Variants in INIP observed in about 807,000 individuals in gnomAD.
INIP encodes SOSS complex subunit C.
Under a neutral mutation model 14.0 loss-of-function variants are expected in INIP, and 9 were observed. That is an observed-to-expected ratio of 0.64 (90% CI 0.39 to 1.12). The LOEUF is 1.12. Among genes scored for constraint, INIP ranks in the 50% most tolerant of loss-of-function variants. The pLI is 0.01. For synonymous variants in INIP, 37 were observed against 41.5 expected (o/e 0.89, Z 0.41); for missense variants, 78 against 122.7 (o/e 0.64, Z 1.72).
In INIP at chr9:112,687,444, C is replaced by A; in HGVS notation, c.*94G>T. 2 of 724,704 alleles carry A rather than the reference C, an allele frequency of 2.8e-6. No homozygotes were observed. Among genetic ancestry groups the A allele is most frequent in the Non-Finnish European group, 2.3e-6 (1 of 427,800 alleles). The allele number at this position is 724,704 out of a possible 1,614,324, so 44.9% of individuals were successfully genotyped here. On this transcript the variant is annotated 3_prime_UTR_variant, in exon 5 of 5. Transcript: ENST00000374242. ...ACAAACAAAAAATATCAAAGTTCACCAAAATTCTTAAAGTCACAGTTCATG... is the reference window on the plus strand; with the variant it reads ...ACAAACAAAAAATATCAAAGTTCACAAAAATTCTTAAAGTCACAGTTCATG...
At chr9:112,694,694 A>G (rs935015800) in intron 2 of INIP, among the ~76,000 whole-genome samples, 8 of 152,160 alleles carry the variant, frequency 5.3e-5, no homozygotes, top group Non-Finnish European at 1.0e-4. Flanking sequence ...ATGGGGGGAA[A>G]AAGCAGTAAA....
At chr9:112,696,155 G>A (rs1476263404) in intron 2 of INIP, among the ~76,000 whole-genome samples, 1 of 152,058 alleles carries the variant, frequency 6.6e-6, no homozygotes, top group East Asian at 1.9e-4. Context: ...GTCTCACAAA[G>A]TGCTAGGACT....
Position 112,716,546 on chromosome 9 carries a change from A to T in INIP, c.-56-5T>A. On this transcript the variant is annotated splice_region_variant and splice_polypyrimidine_tract_variant and intron_variant, in intron 1 of 4. Transcript: ENST00000374242. ...TGGTCAGCACTTCACAATCACCTAT[A>T]AAATATGTGTACACACATATACAAT... The T allele has an allele frequency of 7.0e-7, 1 of 1,419,680 alleles. No individual in the cohort carries two copies. Among genetic ancestry groups the T allele is most frequent in the Non-Finnish European group, 1.0e-6 (1 of 1,002,764 alleles). The allele number at this position is 1,419,680 out of a possible 1,614,324, so 87.9% of individuals were successfully genotyped here.
At chr9:112,715,209 T>C (rs1292922350) in intron 2 of INIP, among the ~76,000 whole-genome samples, 2 of 151,292 alleles carry the variant, frequency 1.3e-5, no homozygotes, top group East Asian at 3.9e-4. Context: ...GGTATACCTG[T>C]ATAGGGCATT....
chr9:112,688,188 G>A (rs1220478611), intron 4 of INIP, among the ~76,000 whole-genome samples: 1 of 152,108 alleles, frequency 6.6e-6, no homozygotes, highest in Non-Finnish European at 1.5e-5. Flanking sequence ...CAGAATCTGG[G>A]TCAACAAGTT....
intron 3 of INIP, among the ~76,000 whole-genome samples, chr9:112,690,005 G>GT (rs1179132513): frequency 6.6e-6 from 1 of 151,332 alleles, no homozygotes; most frequent in African/African-American, 2.4e-5. Flanking sequence ...CTTTATAGGG[G>GT]TAAAAAAAAA....
At chr9:112,710,507 C>G (rs1464261168) in intron 2 of INIP, among the ~76,000 whole-genome samples, 1 of 152,108 alleles carries the variant, frequency 6.6e-6, no homozygotes, top group Non-Finnish European at 1.5e-5. Flanking sequence ...GACAATCTGC[C>G]TCTGCATACT....
intron 2 of INIP, among the ~76,000 whole-genome samples, chr9:112,695,118 G>C (rs1470653878): frequency 6.6e-6 from 1 of 152,120 alleles, no homozygotes. Flanking sequence ...AGAAATAGTT[G>C]TCCCCTTTAG....
rs1295523977 is a variant in INIP, at chr9:112,685,600, C to T, written c.*1938G>A. 1 of 152,174 alleles carries T rather than the reference C, an allele frequency of 6.6e-6. No individual in the cohort carries two copies. Among genetic ancestry groups the T allele is most frequent in the African/African-American group, 2.4e-5 (1 of 41,434 alleles). The allele number at this position is 152,174 out of a possible 1,614,324, so 9.4% of individuals were successfully genotyped here. Reference sequence around the variant, plus strand: ...ATCTCTTTACCTGAGCTACAAAAGTCATACATTAGGTAGAGGCTTCAATAG... The same window carrying T: ...ATCTCTTTACCTGAGCTACAAAAGTTATACATTAGGTAGAGGCTTCAATAG... On this transcript the variant is annotated 3_prime_UTR_variant, in exon 5 of 5. Coordinates refer to ENST00000374242, the MANE Select transcript of INIP (RefSeq NM_021218.3).
intron 2 of INIP, among the ~76,000 whole-genome samples, chr9:112,706,470 T>C (rs1838472352): frequency 1.3e-5 from 2 of 151,854 alleles, no homozygotes. Flanking sequence ...CCCAGGCTCA[T>C]CTTAAACTCC....
intron 3 of INIP, among the ~76,000 whole-genome samples, chr9:112,692,434 C>T (rs555907389): frequency 1.1e-4 from 17 of 152,226 alleles, no homozygotes; most frequent in Middle Eastern, 3.4e-3. Flanking sequence ...CAGGCATGCA[C>T]CACCATGGCT....
chr9:112,692,826 G>A (rs1017675075), intron 3 of INIP, among the ~76,000 whole-genome samples: 1 of 151,624 alleles, frequency 6.6e-6, no homozygotes, highest in Non-Finnish European at 1.5e-5. Flanking sequence ...ATCACTTGAG[G>A]CCAGGAGTTT....
At chr9:112,690,291 G>C (rs1184311653) in intron 3 of INIP, among the ~76,000 whole-genome samples, 1 of 152,046 alleles carries the variant, frequency 6.6e-6, no homozygotes, top group Non-Finnish European at 1.5e-5. Flanking sequence ...AGGAGTTCAA[G>C]ACCAGCCTGG....
chr9:112,717,136 T>A (rs970556988), intron 1 of INIP, among the ~76,000 whole-genome samples: 9 of 152,208 alleles, frequency 5.9e-5, no homozygotes, highest in African/African-American at 1.9e-4. Context: ...AGGTTGTATT[T>A]ACCAAATATA....
chr9:112,702,882 A>G (rs1838346166), intron 2 of INIP, among the ~76,000 whole-genome samples: 3 of 152,208 alleles, frequency 2.0e-5, no homozygotes, highest in Admixed American at 1.3e-4. Context: ...ATAAATGCTA[A>G]GAGTATGATG....
intron 2 of INIP, among the ~76,000 whole-genome samples, chr9:112,700,655 CA>C (rs1199323859): frequency 6.6e-6 from 1 of 150,766 alleles, no homozygotes; most frequent in Non-Finnish European, 1.5e-5. Context: ...TTTCTACCTA[CA>C]AAAACAATTT....
At position 112,685,219 on chromosome 9, in the gene INIP, A is replaced by AT. The variant is rs1837616205; in HGVS notation, c.*2318dup. The AT allele has an allele frequency of 1.3e-5, 2 of 148,500 alleles. No homozygotes were observed. Among genetic ancestry groups the AT allele is most frequent in the Non-Finnish European group, 3.0e-5 (2 of 67,262 alleles). The allele number at this position is 148,500 out of a possible 1,614,324, so 9.2% of individuals were successfully genotyped here. On this transcript the variant is annotated 3_prime_UTR_variant, in exon 5 of 5. Coordinates refer to ENST00000374242, the MANE Select transcript of INIP (RefSeq NM_021218.3). Reference sequence around the variant, plus strand: ...CAGCCTCCCGAGTGGCTGGGACTCTATGCATGCACCAGCACACCTAGCCAA... The same window carrying AT: ...CAGCCTCCCGAGTGGCTGGGACTCTATTGCATGCACCAGCACACCTAGCCAA...
At position 112,685,679 on chromosome 9, in the gene INIP, C is replaced by CAGTT. The variant is rs1200052574; in HGVS notation, c.*1855_*1858dup. On this transcript the variant is annotated 3_prime_UTR_variant, in exon 5 of 5. Coordinates refer to ENST00000374242, the MANE Select transcript of INIP (RefSeq NM_021218.3). ...CTTAGAGACAGATTTAGAACCATGT[C>CAGTT]AGTTATGTTGCAGATGACAGAGAAC... The CAGTT allele has an allele frequency of 1.3e-5, 2 of 152,126 alleles. No individual in the cohort carries two copies. The highest frequency in any genetic ancestry group is 4.8e-5 in the African/African-American group (2 of 41,410). 9.4% of individuals were successfully genotyped at this position (152,126 alleles called of 1,614,324 possible).
At chr9:112,707,563 T>C (rs892192544) in intron 2 of INIP, among the ~76,000 whole-genome samples, 19 of 152,034 alleles carry the variant, frequency 1.2e-4, no homozygotes, top group African/African-American at 4.4e-4. Context: ...CTCAAGTAAC[T>C]AGCATTACAT....
Sources: allele counts gnomAD v4.1 joint callset (sites outside exome capture counted in the v4.1 genomes callset), GRCh38; gene constraint gnomAD v4.1.1; transcripts MANE v1.5; gene names NCBI Gene and HGNC (gene_info 2026-07-23, HGNC 2026-07-21).